FOXP1: variants seen among roughly 807,000 people sequenced by gnomAD.
FOXP1 encodes forkhead box P1, also known as forkhead box protein P1.
In FOXP1, 15 loss-of-function variants were observed where a neutral mutation model predicts 98.2. That is an observed-to-expected ratio of 0.15 (90% CI 0.10 to 0.24). FOXP1 has a LOEUF of 0.24. Among genes scored for constraint, FOXP1 ranks in the 10% least tolerant of loss-of-function variants. FOXP1 has a pLI of 1.00. For synonymous variants in FOXP1, 371 were observed against 314.5 expected (o/e 1.18, Z -1.90); for missense variants, 633 against 848.5 (o/e 0.75, Z 3.15).
chr3:71,120,251 T>C (rs777567717), intron 6 of FOXP1, among the ~76,000 whole-genome samples: 1 of 152,192 alleles, frequency 6.6e-6, no homozygotes, highest in Non-Finnish European at 1.5e-5. Context: ...CATTCATTGG[T>C]AGTAAATTCA....
chr3:71,175,401 G>C (rs2061886603), intron 6 of FOXP1, among the ~76,000 whole-genome samples: 1 of 152,226 alleles, frequency 6.6e-6, no homozygotes, highest in Non-Finnish European at 1.5e-5. Flanking sequence ...GAGGCTCCCT[G>C]CCTCTCCAAT....
At chr3:71,511,852 T>C (rs2042227450) in intron 2 of FOXP1, among the ~76,000 whole-genome samples, 1 of 148,804 alleles carries the variant, frequency 6.7e-6, no homozygotes, top group Non-Finnish European at 1.5e-5. Context: ...CATGTATATA[T>C]AGATGTAAAC....
At chr3:71,015,139 TA>T (rs990094602) in intron 12 of FOXP1, among the ~76,000 whole-genome samples, 35 of 143,218 alleles carry the variant, frequency 2.4e-4, no homozygotes, top group Middle Eastern at 3.5e-3. Flanking sequence ...AAGTATAATT[TA>T]AAAAAAAAAA....
chr3:71,224,313 C>T (rs1338630790), intron 5 of FOXP1, among the ~76,000 whole-genome samples: 1 of 152,164 alleles, frequency 6.6e-6, no homozygotes, highest in Non-Finnish European at 1.5e-5. Context: ...ACCAGCCATA[C>T]TCATTCCCTT....
intron 3 of FOXP1, among the ~76,000 whole-genome samples, chr3:71,359,466 T>C (rs1310571006): frequency 1.3e-5 from 2 of 152,242 alleles, no homozygotes; most frequent in South Asian, 2.1e-4. Context: ...AAATGTTATG[T>C]AGGTGAGTAA....
chr3:71,476,804 G>A (rs772084202), intron 3 of FOXP1, among the ~76,000 whole-genome samples: 5 of 151,770 alleles, frequency 3.3e-5, no homozygotes, highest in African/African-American at 7.3e-5. Context: ...GCGCCGGGCC[G>A]CATTGATGGT....
chr3:70,977,553 C>G lies in FOXP1; in HGVS notation c.1428+90G>C, dbSNP rs11924812. Reference sequence around the variant, plus strand: ...GAAAAGGTTTCAGCATGCTTGCATACTAAACGGTTTTTAAATCTACTTCAT... The same window carrying G: ...GAAAAGGTTTCAGCATGCTTGCATAGTAAACGGTTTTTAAATCTACTTCAT... On this transcript the variant is annotated intron_variant, in intron 16 of 20. Coordinates refer to ENST00000649528, the MANE Select transcript of FOXP1 (RefSeq NM_001349338.3). 8.4e-3 allele frequency: 9,420 copies of G among 1,122,762 alleles called. 510 individuals are homozygous for G. In the African/African-American group the frequency reaches 0.12, roughly 15 times the overall value. 69.5% of individuals were successfully genotyped at this position (1,122,762 alleles called of 1,614,324 possible).
intron 4 of FOXP1, among the ~76,000 whole-genome samples, chr3:71,354,162 A>T (rs1472009139): frequency 6.6e-6 from 1 of 151,436 alleles, no homozygotes; most frequent in Admixed American, 6.6e-5. Flanking sequence ...AAAAAAAAAA[A>T]AAAATACTAG....
At chr3:71,164,618 A>T (rs1169588220) in intron 6 of FOXP1, among the ~76,000 whole-genome samples, 1 of 152,210 alleles carries the variant, frequency 6.6e-6, no homozygotes, top group Admixed American at 6.5e-5. Flanking sequence ...AGAGACTAAT[A>T]CATTTTTATA....
At chr3:71,131,060 AAG>A (rs1491109693) in intron 6 of FOXP1, 24 of 334,772 alleles carry the variant, frequency 7.2e-5, no homozygotes, top group South Asian at 2.4e-4. Context: ...AGAAAAAAAA[AAG>A]AAGAAGAAGA....
At chr3:70,960,292 TC>T (rs1174261493) in intron 20 of FOXP1, among the ~76,000 whole-genome samples, 12 of 151,914 alleles carry the variant, frequency 7.9e-5, no homozygotes, top group Admixed American at 2.0e-4. Context: ...AGAGCCCCAA[TC>T]AGAATAATAA....
chr3:71,368,270 C>T (rs375538484), intron 3 of FOXP1, among the ~76,000 whole-genome samples: 45 of 152,066 alleles, frequency 3.0e-4, no homozygotes, highest in African/African-American at 8.4e-4. Context: ...GATAAACAGG[C>T]GTGTGCCACG....
At chr3:71,198,432 G>GGGGGGGGC in intron 5 of FOXP1, 40 bp from the exon 6 acceptor site, 2 of 491,034 alleles carry the variant, frequency 4.1e-6, no homozygotes, top group Non-Finnish European at 8.0e-6. Context: ...GGGAGGGGGG[G>GGGGGGGGC]AGAAAAAAAA....
At chr3:71,285,233 C>T (rs1335103140) in intron 5 of FOXP1, among the ~76,000 whole-genome samples, 2 of 152,248 alleles carry the variant, frequency 1.3e-5, no homozygotes, top group Non-Finnish European at 1.5e-5. Context: ...CTCTTATATA[C>T]CCCAGCCCTT....
At chr3:71,273,173 G>C (rs2070553697) in intron 5 of FOXP1, among the ~76,000 whole-genome samples, 1 of 152,176 alleles carries the variant, frequency 6.6e-6, no homozygotes, top group African/African-American at 2.4e-5. Flanking sequence ...AGAGTGACCA[G>C]ATTCAGGTTT....
chr3:70,977,061 CAG>C lies in FOXP1; in HGVS notation c.1429-21_1429-20del, dbSNP rs1217349150. 6 of 1,526,952 alleles carry C rather than the reference CAG, an allele frequency of 3.9e-6. No individual in the cohort carries two copies. In the African/African-American group the frequency reaches 4.1e-5, roughly 10 times the overall value. 94.6% of individuals were successfully genotyped at this position (1,526,952 alleles called of 1,614,324 possible). A position where few individuals can be genotyped will look rare whatever the true frequency, so the allele number is the denominator to read the frequency against. Reference sequence around the variant, plus strand: ...GAATGGCCTGTGAAGCAGAATGTAACAGAAGATAATTTATGACCAAATCAGCA... The same window carrying C: ...GAATGGCCTGTGAAGCAGAATGTAACAAGATAATTTATGACCAAATCAGCA... On this transcript the variant is annotated intron_variant, in intron 16 of 20. Transcript: ENST00000649528.
At chr3:70,969,797 G>A (rs1317147704) in intron 19 of FOXP1, 3 of 152,178 alleles carry the variant, frequency 2.0e-5, no homozygotes, top group African/African-American at 7.2e-5. Flanking sequence ...AATGTATGCT[G>A]CAGAGGACTG....
chr3:70,972,793 T>C (rs939277750), intron 17 of FOXP1, 117 bp from the exon 18 acceptor site: 10 of 1,028,948 alleles, frequency 9.7e-6, no homozygotes, highest in Admixed American at 2.2e-5. Flanking sequence ...GAGCTGTAGC[T>C]ACCACCCCCG....
chr3:71,446,201 T>A (rs1366235617), intron 3 of FOXP1, among the ~76,000 whole-genome samples: 2 of 152,170 alleles, frequency 1.3e-5, no homozygotes, highest in Admixed American at 1.3e-4. Flanking sequence ...TTGCTAAGAC[T>A]GGCTTCCATA....
Sources: gnomAD v4.1 joint callset for allele counts (sites outside exome capture counted in the v4.1 genomes callset) on GRCh38, gnomAD v4.1.1 for gene constraint, MANE v1.5 for transcripts, NCBI Gene and HGNC (gene_info 2026-07-23, HGNC 2026-07-21) for gene names.